The following RIMS2 variants were observed in gnomAD, a reference collection of about 807,000 sequenced individuals.
RIMS2 encodes regulating synaptic membrane exocytosis 2, also known as regulating synaptic membrane exocytosis protein 2.
A neutral mutation model predicts 174.4 loss-of-function variants in RIMS2; 59 were observed. The observed-to-expected ratio is 0.34, with a 90% CI of 0.27 to 0.42. RIMS2 has a LOEUF of 0.42. RIMS2 is among the 10% of genes least tolerant of loss of function. The pLI is 1.00. For missense variants in RIMS2, 1,620 were observed against 1,666.3 expected (o/e 0.97, Z 0.48); for synonymous variants, 606 against 572.5 (o/e 1.06, Z -0.84).
chr8:103,796,874 A>G (rs1317901639), intron 3 of RIMS2, among the ~76,000 whole-genome samples: 5 of 152,202 alleles, frequency 3.3e-5, no homozygotes, highest in African/African-American at 9.6e-5. Context: ...AGGGGGCACA[A>G]TTCACTCAGA....
chr8:104,159,983 A>G (rs552828613), intron 19 of RIMS2, among the ~76,000 whole-genome samples: 157 of 152,184 alleles, frequency 1.0e-3, no homozygotes, highest in African/African-American at 3.4e-3. Context: ...TACTAAAAAT[A>G]CAAAAATTAG....
At chr8:103,680,816 A>G (rs1481109843) in intron 1 of RIMS2, among the ~76,000 whole-genome samples, 1 of 151,966 alleles carries the variant, frequency 6.6e-6, no homozygotes, top group Non-Finnish European at 1.5e-5. Context: ...AAAAATTTAA[A>G]AAGTTGAGTA....
At chr8:104,057,711 C>T (rs1339670001) in intron 19 of RIMS2, among the ~76,000 whole-genome samples, 1 of 138,068 alleles carries the variant, frequency 7.2e-6, no homozygotes, top group Non-Finnish European at 1.6e-5. Flanking sequence ...AATGCTATCT[C>T]TTCCCCCTCC....
chr8:103,951,231 G>A (rs1041105237), intron 14 of RIMS2, among the ~76,000 whole-genome samples: 3 of 152,170 alleles, frequency 2.0e-5, no homozygotes, highest in Non-Finnish European at 2.9e-5. Flanking sequence ...AAAATAATGA[G>A]AGCCACCTAT....
intron 1 of RIMS2, among the ~76,000 whole-genome samples, chr8:103,524,180 G>T (rs927500106): frequency 2.6e-5 from 4 of 151,782 alleles, no homozygotes; most frequent in Non-Finnish European, 4.4e-5. Context: ...AATACATAAC[G>T]ACATAGGTGT....
At chr8:103,513,836 A>G (rs1283842401) in intron 1 of RIMS2, among the ~76,000 whole-genome samples, 1 of 152,208 alleles carries the variant, frequency 6.6e-6, no homozygotes, top group Non-Finnish European at 1.5e-5. Flanking sequence ...AAAATTGAAA[A>G]TTAGATTTTG....
At chr8:103,906,477 C>T (rs144030459) in intron 4 of RIMS2, among the ~76,000 whole-genome samples, 7 of 152,186 alleles carry the variant, frequency 4.6e-5, no homozygotes, top group African/African-American at 1.7e-4. Flanking sequence ...AACTCCTGAC[C>T]TCAGGTGATC....
chr8:104,195,099 T>C (rs1434789331), intron 19 of RIMS2, among the ~76,000 whole-genome samples: 1 of 152,172 alleles, frequency 6.6e-6, no homozygotes, highest in African/African-American at 2.4e-5. Flanking sequence ...GAAGGGTGAA[T>C]TGGAAAGTAT....
chr8:104,095,633 C>G (rs10095111), intron 19 of RIMS2, among the ~76,000 whole-genome samples: 35,708 of 151,770 alleles, frequency 0.24, 4,496 homozygotes, highest in African/African-American at 0.33. Flanking sequence ...GAGGATATGA[C>G]GTTATTCTAA....
At chr8:103,529,518 C>T (rs904263952) in intron 1 of RIMS2, among the ~76,000 whole-genome samples, 2 of 152,182 alleles carry the variant, frequency 1.3e-5, no homozygotes, top group East Asian at 1.9e-4. Flanking sequence ...TTCCAGGTGC[C>T]GTCTGTCACA....
intron 19 of RIMS2, among the ~76,000 whole-genome samples, chr8:104,052,573 G>A (rs1428452177): frequency 2.6e-5 from 4 of 152,176 alleles, no homozygotes; most frequent in Non-Finnish European, 5.9e-5. Flanking sequence ...GGCTAACATA[G>A]TGTCCAAGAA....
intron 1 of RIMS2, among the ~76,000 whole-genome samples, chr8:103,678,643 A>G (rs1412129298): frequency 6.6e-6 from 1 of 152,166 alleles, no homozygotes; most frequent in African/African-American, 2.4e-5. Context: ...AACAACATAT[A>G]GAACATGGAA....
intron 19 of RIMS2, among the ~76,000 whole-genome samples, chr8:104,048,434 T>C (rs2096729577): frequency 1.3e-5 from 2 of 152,080 alleles, no homozygotes; most frequent in South Asian, 4.1e-4. Context: ...GAAAAAATTA[T>C]AAAAAAACCA....
At chr8:103,998,294 G>A (rs1164788796) in intron 17 of RIMS2, 1 of 1,309,208 alleles carries the variant, frequency 7.6e-7, no homozygotes, top group Admixed American at 1.7e-5. Flanking sequence ...AATTGCTTGT[G>A]CCTGTGTATT....
intron 19 of RIMS2, among the ~76,000 whole-genome samples, chr8:104,109,310 A>T (rs944674855): frequency 1.1e-4 from 16 of 151,402 alleles, no homozygotes; most frequent in African/African-American, 3.6e-4. Context: ...AAAAAAAAAA[A>T]AAAAAAAGAA....
At chr8:103,953,901 G>C (rs965259185) in intron 14 of RIMS2, among the ~76,000 whole-genome samples, 6 of 152,074 alleles carry the variant, frequency 3.9e-5, no homozygotes, top group African/African-American at 1.4e-4. Flanking sequence ...TAAAGGGATG[G>C]AGGAAGATCT....
intron 19 of RIMS2, among the ~76,000 whole-genome samples, chr8:104,071,237 T>A (rs1254842010): frequency 6.6e-6 from 1 of 152,220 alleles, no homozygotes; most frequent in Non-Finnish European, 1.5e-5. Flanking sequence ...GTTTTATATC[T>A]TTGACAGCAA....
chr8:103,575,193 G>A (rs1345901782), intron 1 of RIMS2, among the ~76,000 whole-genome samples: 3 of 152,170 alleles, frequency 2.0e-5, no homozygotes, highest in Non-Finnish European at 4.4e-5. Flanking sequence ...CGTGGAAAGT[G>A]CTCAACTTCA....
At chr8:103,910,241 A>T (rs2075388681) in intron 5 of RIMS2, 80 bp from the exon 8 acceptor site, 1 of 1,531,502 alleles carries the variant, frequency 6.5e-7, no homozygotes, top group African/African-American at 1.4e-5. Context: ...TTTCGTTATC[A>T]TTTCACTTTT....
Sources: gnomAD v4.1 joint callset for allele counts (sites outside exome capture counted in the v4.1 genomes callset) on GRCh38, gnomAD v4.1.1 for gene constraint, MANE v1.5 for transcripts, NCBI Gene and HGNC (gene_info 2026-07-23, HGNC 2026-07-21) for gene names.